The following SNAP23 variants were observed in gnomAD, a reference collection of about 807,000 sequenced individuals.
SNAP23 encodes synaptosomal-associated protein 23.
In SNAP23, 11 loss-of-function variants were observed where a neutral mutation model predicts 29.0. That is an observed-to-expected ratio of 0.38 (90% CI 0.24 to 0.63). The LOEUF (loss-of-function observed/expected upper bound fraction) is 0.63, where lower values mean the gene tolerates loss of function less well. SNAP23 is among the 20% of genes least tolerant of loss of function. SNAP23 has a pLI of 0.58. For missense variants in SNAP23, 220 were observed against 253.9 expected (o/e 0.87, Z 0.91); for synonymous variants, 60 against 82.9 (o/e 0.72, Z 1.50).
Position 42,495,696 on chromosome 15 carries a change from A to C in SNAP23, c.-32A>C, listed in dbSNP as rs1224833968. 1 of 152,608 alleles carries C rather than the reference A, an allele frequency of 6.6e-6. No homozygotes were observed. The highest frequency in any genetic ancestry group is 1.5e-5 in the Non-Finnish European group (1 of 68,368). The allele number at this position is 152,608 out of a possible 1,614,324, so 9.5% of individuals were successfully genotyped here. On this transcript the variant is annotated 5_prime_UTR_variant, in exon 1 of 8. Transcript: ENST00000249647. Reference sequence around the variant, plus strand: ...GGTGTCCGAGTTGCCGCCGGAGAGGAGTGGCCTCGCCCGCTTGGTGAGTCT... The same window carrying C: ...GGTGTCCGAGTTGCCGCCGGAGAGGCGTGGCCTCGCCCGCTTGGTGAGTCT...
At position 42,520,740 on chromosome 15, in the gene SNAP23, C is replaced by T. The variant is rs536925579; in HGVS notation, c.266+5386C>T. 6.6e-4 allele frequency among the ~76,000 whole-genome samples: 100 copies of T among 152,290 alleles called. 1 individual carries two copies. The South Asian group carries it at 0.016, about 24-fold the overall frequency. On this transcript the variant is annotated intron_variant, in intron 5 of 7. Transcript: ENST00000249647. ...CGATCTCCTGACCTCGTGATCCGCC[C>T]GCCTTGGCCTCCCAAAGTGTTGGGA... is the stretch of plus-strand genomic sequence containing the variant.
chr15:42,522,210 C>G (rs572551411), intron 5 of SNAP23: 4 of 152,226 alleles, frequency 2.6e-5, no homozygotes, highest in Non-Finnish European at 5.9e-5. Context: ...GTCTAGTCGT[C>G]TCAAATCCTA....
chr15:42,531,393 A>T lies in SNAP23; in HGVS notation c.571-20A>T. On this transcript the variant is annotated intron_variant, in intron 7 of 7. Transcript: ENST00000249647. ...TAGAGTTACTTACCTTGTAAAGCTG[A>T]TATCTTTCTTGTTTTTCAGGCTGAC... 2.0e-6 allele frequency: 3 copies of T among 1,516,444 alleles called. No homozygotes were observed. The allele number at this position is 1,516,444 out of a possible 1,614,324, so 93.9% of individuals were successfully genotyped here.
intron 1 of SNAP23, among the ~76,000 whole-genome samples, chr15:42,502,590 G>T (rs1051098731): frequency 6.6e-6 from 1 of 152,158 alleles, no homozygotes; most frequent in Non-Finnish European, 1.5e-5. Context: ...GATGGTTTCG[G>T]TGAATATTTC....
intron 4 of SNAP23, among the ~76,000 whole-genome samples, chr15:42,514,981 G>A (rs543795194): frequency 6.6e-5 from 10 of 152,270 alleles, no homozygotes; most frequent in East Asian, 3.9e-4. Flanking sequence ...GATCACAGGC[G>A]TGAGCCACCA....
chr15:42,521,512 C>T, intron 5 of SNAP23: 1 of 1,415,698 alleles, frequency 7.1e-7, no homozygotes, highest in East Asian at 2.7e-5. Context: ...GTTTTTAAAA[C>T]TTTAAACCTG....
intron 1 of SNAP23, among the ~76,000 whole-genome samples, chr15:42,497,961 T>C (rs1050067542): frequency 1.3e-5 from 2 of 152,204 alleles, no homozygotes; most frequent in Non-Finnish European, 2.9e-5. Flanking sequence ...TTAAAACTTA[T>C]TTTAATCTCC....
intron 6 of SNAP23, 136 bp from the exon 7 acceptor site, chr15:42,529,539 A>C (rs1310202660): frequency 3.7e-6 from 3 of 806,374 alleles, no homozygotes; most frequent in African/African-American, 3.5e-5. Context: ...AATGTTTCCC[A>C]GGAATGGTAA....
At chr15:42,495,463 C>T (rs1264313765), upstream of SNAP23, 1 of 152,266 alleles carries the variant, frequency 6.6e-6, no homozygotes, top group Non-Finnish European at 1.5e-5. Context: ...TGAACACCTC[C>T]CAGCTTCGGG....
In SNAP23 at chr15:42,517,681, T is replaced by C. The variant is rs75192066; in HGVS notation, c.266+2327T>C. Among the ~76,000 whole-genome samples, 142 of 152,224 alleles carry C rather than the reference T, an allele frequency of 9.3e-4. 1 individual carries two copies. The East Asian group carries it at 0.023, about 24-fold the overall frequency. ...AATCAGCATTCTTCAGCCTCTAACCTCAGTAGAACCCTTTCTCAGTGGATC... is the reference window on the plus strand; with the variant it reads ...AATCAGCATTCTTCAGCCTCTAACCCCAGTAGAACCCTTTCTCAGTGGATC... On this transcript the variant is annotated intron_variant, in intron 5 of 7. Transcript: ENST00000249647.
chr15:42,498,533 G>T (rs759128853), intron 1 of SNAP23, among the ~76,000 whole-genome samples: 1 of 152,148 alleles, frequency 6.6e-6, no homozygotes, highest in African/African-American at 2.4e-5. Flanking sequence ...GGCTGCCCAC[G>T]AAACCATTTT....
rs576199189 is a variant in SNAP23, at chr15:42,509,595, A to G, written c.-14-2238A>G. Among the ~76,000 whole-genome samples the G allele has an allele frequency of 5.1e-4, 77 of 150,896 alleles. No individual in the cohort carries two copies. In the South Asian group the frequency reaches 0.016, roughly 31 times the overall value. On this transcript the variant is annotated intron_variant, in intron 1 of 7. Transcript: ENST00000249647. The stretch of plus-strand genomic sequence containing the variant: ...GCTGGGATTACAGGCGCTCACCACC[A>G]CTCCCGGCTAATTTTTGTATTTTTA...
chr15:42,511,242 C>T (rs1271487084), intron 1 of SNAP23, among the ~76,000 whole-genome samples: 1 of 152,170 alleles, frequency 6.6e-6, no homozygotes, highest in Non-Finnish European at 1.5e-5. Context: ...ACAATATAAG[C>T]CACTGGAGGG....
intron 1 of SNAP23, among the ~76,000 whole-genome samples, chr15:42,506,853 C>G (rs2057320765): frequency 6.7e-6 from 1 of 149,590 alleles, no homozygotes; most frequent in Non-Finnish European, 1.5e-5. Context: ...GGGTCTTGGT[C>G]TGTTGCCCAG....
intron 1 of SNAP23, among the ~76,000 whole-genome samples, chr15:42,499,171 C>T (rs887179072): frequency 6.6e-6 from 1 of 151,784 alleles, no homozygotes; most frequent in African/African-American, 2.4e-5. Context: ...CGGGTTCAAG[C>T]GATTCTCCTG....
chr15:42,529,779 T>C lies in SNAP23; in HGVS notation c.530T>C (p.Ile177Thr). The stretch of plus-strand genomic sequence containing the variant: ...ATGGCCCTGAACATAGGCAATGAGA[T>C]TGATGCTCAAAATCCACAAATAAAA... ...KDMALNIGNE[I>T]DAQNPQIKRI... Residue 177 changes from isoleucine (I) to threonine (T), a missense_variant, in exon 7 of 8, where the codon ATT (isoleucine) becomes ACT (threonine). By Grantham distance (89) the Ile-to-Thr change is moderately conservative. Transcript: ENST00000249647. 6.2e-7 allele frequency: 1 copy of C among 1,613,446 alleles called. No homozygotes were observed. The highest frequency in any genetic ancestry group is 8.5e-7 in the Non-Finnish European group (1 of 1,179,878).
upstream of SNAP23, among the ~76,000 whole-genome samples, chr15:42,494,537 C>T (rs1245392770): frequency 2.1e-5 from 3 of 142,696 alleles, no homozygotes; most frequent in East Asian, 2.0e-4. Flanking sequence ...GTAGGGGGGA[C>T]GGAATTTCAC....
chr15:42,507,172 G>A (rs992887520), intron 1 of SNAP23, among the ~76,000 whole-genome samples: 8 of 152,208 alleles, frequency 5.3e-5, no homozygotes, highest in African/African-American at 1.2e-4. Context: ...AGTAGATCCC[G>A]ACTTGAATAA....
At chr15:42,522,793 G>GCTT (rs2057460365) in intron 5 of SNAP23, among the ~76,000 whole-genome samples, 1 of 142,996 alleles carries the variant, frequency 7.0e-6, no homozygotes, top group Non-Finnish European at 1.5e-5. Context: ...CTTGATACCA[G>GCTT]CTTCCTGAAT....
Sources: allele counts gnomAD v4.1 joint callset (sites outside exome capture counted in the v4.1 genomes callset), GRCh38; gene constraint gnomAD v4.1.1; transcripts MANE v1.5; gene names NCBI Gene and HGNC (gene_info 2026-07-23, HGNC 2026-07-21).